The following EPHA6 variants were observed in gnomAD, a reference collection of about 807,000 sequenced individuals.
The protein encoded by EPHA6 is EPH receptor A6.
EPHA6 carries 50 observed loss-of-function variants against 112.0 expected under a neutral mutation model. The observed-to-expected ratio is 0.45, with a 90% CI of 0.36 to 0.56. The LOEUF (loss-of-function observed/expected upper bound fraction) is 0.56. Among genes scored for constraint, EPHA6 ranks in the 20% least tolerant of loss-of-function variants. EPHA6 has a pLI of 0.00. For synonymous variants in EPHA6, 529 were observed against 490.7 expected (o/e 1.08, Z -1.03); for missense variants, 1,280 against 1,417.4 (o/e 0.90, Z 1.56).
At chr3:97,527,703 A>G (rs980641584) in intron 10 of EPHA6, among the ~76,000 whole-genome samples, 8 of 152,126 alleles carry the variant, frequency 5.3e-5, no homozygotes, top group African/African-American at 1.7e-4. Context: ...GTGAACAACC[A>G]TGTGTATGGG....
rs376021631 is a variant in EPHA6, at chr3:97,711,641, C to T, written c.2785-8620C>T. Among the ~76,000 whole-genome samples, 13 of 152,184 alleles carry T rather than the reference C, an allele frequency of 8.5e-5. No homozygotes were observed. The South Asian group carries it at 2.7e-3, about 32-fold the overall frequency. On this transcript the variant is annotated intron_variant, in intron 14 of 17. Transcript: ENST00000389672. ...TTCAAGAGCAGCAGAAGATGGATGT[C>T]CCAGCTCCAGAAGAGAAAGCAAACT...
intron 3 of EPHA6, among the ~76,000 whole-genome samples, chr3:97,044,786 A>C (rs1363194090): frequency 6.6e-6 from 1 of 152,158 alleles, no homozygotes; most frequent in African/African-American, 2.4e-5. Context: ...ATAATAATTG[A>C]ACTGTACATT....
intron 16 of EPHA6, among the ~76,000 whole-genome samples, chr3:97,737,425 G>T (rs1020087080): frequency 3.9e-5 from 6 of 151,992 alleles, no homozygotes; most frequent in Admixed American, 1.3e-4. Flanking sequence ...GAAGATAAGA[G>T]AATTTTATTA....
chr3:97,159,194 A>G (rs1436264783), intron 3 of EPHA6, among the ~76,000 whole-genome samples: 1 of 152,134 alleles, frequency 6.6e-6, no homozygotes, highest in African/African-American at 2.4e-5. Flanking sequence ...CCTGTATTCT[A>G]GATATACATT....
At chr3:97,453,298 G>A (rs1193041185) in intron 7 of EPHA6, among the ~76,000 whole-genome samples, 2 of 151,544 alleles carry the variant, frequency 1.3e-5, no homozygotes, top group African/African-American at 4.8e-5. Context: ...TGTAGTAATT[G>A]GCAATTTACC....
At chr3:97,013,692 G>A (rs938193459) in intron 3 of EPHA6, among the ~76,000 whole-genome samples, 2 of 152,012 alleles carry the variant, frequency 1.3e-5, no homozygotes, top group African/African-American at 4.8e-5. Context: ...GTTTAAAATG[G>A]ATGTTCTTTG....
chr3:97,467,103 A>G (rs371626579), intron 7 of EPHA6, among the ~76,000 whole-genome samples: 1 of 151,652 alleles, frequency 6.6e-6, no homozygotes, highest in Admixed American at 6.6e-5. Context: ...CTGCATCTCT[A>G]TCTCTCTCAC....
At chr3:97,583,267 C>T (rs189829677) in intron 11 of EPHA6, among the ~76,000 whole-genome samples, 83 of 151,860 alleles carry the variant, frequency 5.5e-4, no homozygotes, top group Admixed American at 5.2e-3. Flanking sequence ...TGGCAGGGCG[C>T]GGTGGCTCAT....
intron 2 of EPHA6, among the ~76,000 whole-genome samples, chr3:96,931,343 G>A (rs1320252200): frequency 6.6e-6 from 1 of 152,060 alleles, no homozygotes; most frequent in Non-Finnish European, 1.5e-5. Context: ...ACCCTTTCTT[G>A]TCTGGACTGT....
chr3:97,121,164 A>C (rs74697260), intron 3 of EPHA6, among the ~76,000 whole-genome samples: 4 of 151,974 alleles, frequency 2.6e-5, no homozygotes, highest in African/African-American at 4.8e-5. Flanking sequence ...ATATTATTTT[A>C]AGAAAGTAGT....
intron 5 of EPHA6, among the ~76,000 whole-genome samples, chr3:97,337,115 C>A (rs1195892217): frequency 1.3e-5 from 2 of 151,882 alleles, no homozygotes; most frequent in East Asian, 1.9e-4. Context: ...AGAGAGAGAA[C>A]CATATCATGT....
intron 11 of EPHA6, among the ~76,000 whole-genome samples, chr3:97,545,616 T>G (rs1406389325): frequency 2.6e-5 from 4 of 152,182 alleles, no homozygotes; most frequent in Non-Finnish European, 2.9e-5. Flanking sequence ...TTCCTGGGTA[T>G]CCTTGCTAAC....
intron 5 of EPHA6, among the ~76,000 whole-genome samples, chr3:97,245,320 A>G (rs989662455): frequency 1.3e-5 from 2 of 151,798 alleles, no homozygotes; most frequent in African/African-American, 4.8e-5. Flanking sequence ...TGTCCTCCTT[A>G]TGTCTAATCT....
rs150260306 is a variant in EPHA6 at position 97,514,505 on chromosome 3, T to A, written c.2201-17853T>A. 6.5e-3 allele frequency among the ~76,000 whole-genome samples: 989 copies of A among 152,268 alleles called. 10 individuals are homozygous for A. Among genetic ancestry groups the A allele is most frequent in the African/African-American group, 0.022 (910 of 41,552 alleles). On this transcript the variant is annotated intron_variant, in intron 10 of 17. Coordinates refer to ENST00000389672, the MANE Select transcript of EPHA6 (RefSeq NM_001080448.3). ...ACAGATTTAGTGGATTACAATGTAG[T>A]CATCTTAGGGGAAGCCATTATCCAA...
chr3:97,237,754 C>A (rs143213209), intron 4 of EPHA6, among the ~76,000 whole-genome samples: 1 of 152,010 alleles, frequency 6.6e-6, no homozygotes, highest in Non-Finnish European at 1.5e-5. Context: ...TTTCATATTT[C>A]TCTTTCCATT....
intron 3 of EPHA6, among the ~76,000 whole-genome samples, chr3:97,045,727 G>T (rs1018736428): frequency 1.3e-5 from 2 of 151,944 alleles, no homozygotes; most frequent in African/African-American, 4.8e-5. Context: ...AACATACTTT[G>T]TACGTTTTTT....
At chr3:97,313,385 C>T (rs2081650426) in intron 5 of EPHA6, among the ~76,000 whole-genome samples, 1 of 151,468 alleles carries the variant, frequency 6.6e-6, no homozygotes, top group Middle Eastern at 3.2e-3. Flanking sequence ...AAACAGATTT[C>T]AGTTCCTTTG....
intron 3 of EPHA6, among the ~76,000 whole-genome samples, chr3:97,003,328 G>A (rs1160738130): frequency 3.9e-5 from 6 of 152,006 alleles, no homozygotes; most frequent in Non-Finnish European, 8.8e-5. Context: ...GGCTGGTCTC[G>A]AACTCCTGAC....
intron 10 of EPHA6, among the ~76,000 whole-genome samples, chr3:97,515,348 C>G (rs2107603270): frequency 6.6e-6 from 1 of 152,260 alleles, no homozygotes; most frequent in Non-Finnish European, 1.5e-5. Flanking sequence ...TTTTATGTGC[C>G]TTTACTTCCT....
Sources: gnomAD v4.1 joint callset for allele counts (sites outside exome capture counted in the v4.1 genomes callset) on GRCh38, gnomAD v4.1.1 for gene constraint, MANE v1.5 for transcripts, NCBI Gene and HGNC (gene_info 2026-07-23, HGNC 2026-07-21) for gene names.